The following ELP4 variants were observed in gnomAD, a reference collection of about 807,000 sequenced individuals.
ELP4 encodes elongator acetyltransferase complex subunit 4, also known as elongator complex protein 4.
A neutral mutation model predicts 48.9 loss-of-function variants in ELP4; 51 were observed. The ratio of observed to expected loss-of-function variants is 1.04; its 90% CI spans 0.83 to 1.32. The LOEUF is 1.32. Among genes scored for constraint, ELP4 ranks in the 40% most tolerant of loss-of-function variants. The pLI is 0.00. For synonymous variants in ELP4, 210 were observed against 189.2 expected, an observed-to-expected ratio of 1.11 and a Z score of -0.90; for missense variants, 519 against 514.6, an observed-to-expected ratio of 1.01 and a Z score of -0.08.
At chr11:31,558,909 A>G (rs1956972165) in intron 3 of ELP4, among the ~76,000 whole-genome samples, 1 of 152,192 alleles carries the variant, frequency 6.6e-6, no homozygotes, top group Admixed American at 6.5e-5. Flanking sequence ...AATATTAAAA[A>G]CAAAGTTCAT....
intron 9 of ELP4, among the ~76,000 whole-genome samples, chr11:31,665,880 C>T (rs1043546700): frequency 6.6e-6 from 1 of 151,618 alleles, no homozygotes; most frequent in Admixed American, 6.6e-5. Context: ...GTCTTGAACT[C>T]CTGGGCTCAA....
At chr11:31,611,637 A>G (rs1957981575) in intron 5 of ELP4, among the ~76,000 whole-genome samples, 1 of 152,218 alleles carries the variant, frequency 6.6e-6, no homozygotes, top group South Asian at 2.1e-4. Flanking sequence ...TATTTATTGA[A>G]AGCTTTTTCC....
In ELP4 at chr11:31,783,528, TTCC is replaced by T. The variant is rs774623556; in HGVS notation, c.*9_*11del. ...CAAGAAGCACCTGGACTTCTAGGGATTCCTCCTTAGTCGCTGCATGCAGAATTC... is the reference window on the plus strand; with the variant it reads ...CAAGAAGCACCTGGACTTCTAGGGATTCCTTAGTCGCTGCATGCAGAATTC... On this transcript the variant is annotated 3_prime_UTR_variant, in exon 10 of 10. Coordinates refer to ENST00000640961, the MANE Select transcript of ELP4 (RefSeq NM_019040.5). 1 of 1,613,408 alleles carries T rather than the reference TTCC, an allele frequency of 6.2e-7. No homozygotes were observed. The highest frequency in any genetic ancestry group is 1.3e-5 in the African/African-American group (1 of 75,012).
chr11:31,528,345 A>G (rs1032843242), intron 2 of ELP4, among the ~76,000 whole-genome samples: 3 of 152,134 alleles, frequency 2.0e-5, no homozygotes, highest in African/African-American at 4.8e-5. Context: ...TTGAGCAATT[A>G]AGAAATATTA....
intron 9 of ELP4, among the ~76,000 whole-genome samples, chr11:31,753,010 G>A (rs1947760826): frequency 6.6e-6 from 1 of 152,090 alleles, no homozygotes; most frequent in African/African-American, 2.4e-5. Context: ...TTACTCATCT[G>A]TATAAGGGTC....
intron 9 of ELP4, among the ~76,000 whole-genome samples, chr11:31,729,270 A>G (rs1446092977): frequency 6.6e-6 from 1 of 152,214 alleles, no homozygotes; most frequent in Non-Finnish European, 1.5e-5. Flanking sequence ...AATAACAATC[A>G]GTACCAAAGC....
chr11:31,545,078 A>G (rs1956675060), intron 3 of ELP4, among the ~76,000 whole-genome samples: 2 of 151,922 alleles, frequency 1.3e-5, no homozygotes, highest in Admixed American at 1.3e-4. Context: ...AAAGCAGAGC[A>G]CCTCTCCTCC....
intron 9 of ELP4, among the ~76,000 whole-genome samples, chr11:31,731,661 C>G (rs1947191316): frequency 6.7e-6 from 1 of 149,820 alleles, no homozygotes; most frequent in African/African-American, 2.5e-5. Flanking sequence ...ATAGTGGAAA[C>G]AACTCCCCAA....
chr11:31,620,630 T>C (rs937851523), intron 5 of ELP4, among the ~76,000 whole-genome samples: 4 of 151,946 alleles, frequency 2.6e-5, no homozygotes, highest in African/African-American at 9.7e-5. Context: ...CAGAGTTGGG[T>C]AGATGACAGC....
chr11:31,653,618 G>A (rs1006025815), intron 9 of ELP4: 2 of 151,510 alleles, frequency 1.3e-5, no homozygotes, highest in African/African-American at 4.8e-5. Flanking sequence ...TCAAGGACAG[G>A]GTTATTTACT....
At chr11:31,678,466 T>G (rs984154233) in intron 9 of ELP4, among the ~76,000 whole-genome samples, 1 of 150,634 alleles carries the variant, frequency 6.6e-6, no homozygotes, top group Admixed American at 6.7e-5. Context: ...TAATAAATAA[T>G]TGTTATTATT....
intron 3 of ELP4, among the ~76,000 whole-genome samples, chr11:31,587,257 G>GTCAC (rs1957491540): frequency 6.6e-6 from 1 of 152,156 alleles, no homozygotes. Flanking sequence ...AAGGACCAGT[G>GTCAC]GTGAATGAAT....
chr11:31,513,877 A>G (rs142366636), intron 1 of ELP4, among the ~76,000 whole-genome samples: 1 of 152,314 alleles, frequency 6.6e-6, no homozygotes, highest in African/African-American at 2.4e-5. Flanking sequence ...AGTATTAAAT[A>G]TCTTTTCTGG....
rs1045369254 is a variant in ELP4, at chr11:31,789,400, A to G, written c.*5876A>G. 3 of 350,058 alleles carry G rather than the reference A, an allele frequency of 8.6e-6. No individual in the cohort carries two copies. The South Asian group carries it at 2.3e-4, about 27-fold the overall frequency. 21.7% of individuals were successfully genotyped at this position (350,058 alleles called of 1,614,324 possible). Reference sequence around the variant, plus strand: ...TCTGTTAACAACCTTTGGAAAACCAACAGATATTTCTGACATAAATCTAGT... The same window carrying G: ...TCTGTTAACAACCTTTGGAAAACCAGCAGATATTTCTGACATAAATCTAGT... On this transcript the variant is annotated 3_prime_UTR_variant, in exon 10 of 10. Coordinates refer to ENST00000640961, the MANE Select transcript of ELP4 (RefSeq NM_019040.5).
chr11:31,744,553 G>T (rs1260919946), intron 9 of ELP4, among the ~76,000 whole-genome samples: 9 of 152,184 alleles, frequency 5.9e-5, no homozygotes, highest in Non-Finnish European at 1.2e-4. Context: ...GATCAAGTGG[G>T]CTTCATCCCT....
chr11:31,669,721 A>G lies in ELP4; in HGVS notation c.1143+19500A>G, dbSNP rs140628206. Reference sequence around the variant, plus strand: ...TATTAAACATATGTGGAATGAGTGGAAAACTAATGTTTAACTCTGCTAAAT... The same window carrying G: ...TATTAAACATATGTGGAATGAGTGGGAAACTAATGTTTAACTCTGCTAAAT... On this transcript the variant is annotated intron_variant, in intron 9 of 9. Transcript: ENST00000640961. Among the ~76,000 whole-genome samples the G allele has an allele frequency of 2.6e-4, 40 of 152,306 alleles. 1 individual carries two copies. The East Asian group carries it at 7.7e-3, about 29-fold the overall frequency.
rs142410327 is a variant in ELP4, at chr11:31,566,336, C to T, written c.381+26553C>T. Among the ~76,000 whole-genome samples the T allele has an allele frequency of 1.1e-3, 171 of 151,564 alleles. 1 individual carries two copies. The highest frequency in any genetic ancestry group is 4.9e-3 in the Admixed American group (75 of 15,228). ...TTGCGCCACTGCACTCTATCCTGGG[C>T]GTCAGAGCGAGACTGCATCTCCAAA... is the stretch of plus-strand genomic sequence containing the variant. On this transcript the variant is annotated intron_variant, in intron 3 of 9. Transcript: ENST00000640961.
chr11:31,603,988 A>G, intron 5 of ELP4, 81 bp downstream of exon 5: 1 of 1,165,124 alleles, frequency 8.6e-7, no homozygotes, highest in East Asian at 2.4e-5. Flanking sequence ...TTGAAAGAAT[A>G]CACATCTAAG....
At chr11:31,685,439 T>C (rs1946140912) in intron 9 of ELP4, among the ~76,000 whole-genome samples, 1 of 152,198 alleles carries the variant, frequency 6.6e-6, no homozygotes, top group South Asian at 2.1e-4. Flanking sequence ...CTGTGCATTT[T>C]TTTACTCTAT....
Sources: gnomAD v4.1 joint callset for allele counts (sites outside exome capture counted in the v4.1 genomes callset) on GRCh38, gnomAD v4.1.1 for gene constraint, MANE v1.5 for transcripts, NCBI Gene and HGNC (gene_info 2026-07-23, HGNC 2026-07-21) for gene names.